LSAMP: variants seen among roughly 807,000 people sequenced by gnomAD.
The protein encoded by LSAMP is limbic system associated membrane protein.
In LSAMP, 7 loss-of-function variants were observed where a neutral mutation model predicts 38.6. The ratio of observed to expected loss-of-function variants is 0.18; its 90% CI spans 0.10 to 0.34. LSAMP has a LOEUF of 0.34. Ranked by LOEUF, LSAMP falls within the 10% of genes least tolerant of loss-of-function variation. LSAMP has a pLI of 1.00. For missense variants in LSAMP, 313 were observed against 420.0 expected, an observed-to-expected ratio of 0.75 and a Z score of 2.23; for synonymous variants, 154 against 166.8, an observed-to-expected ratio of 0.92 and a Z score of 0.59.
chr3:116,407,477 C>T (rs1401700634), intron 1 of LSAMP, among the ~76,000 whole-genome samples: 2 of 151,998 alleles, frequency 1.3e-5, no homozygotes, highest in Admixed American at 1.3e-4. Context: ...CCCCTATACC[C>T]ACCAGTAAGG....
chr3:116,248,371 A>G (rs1274474222), intron 1 of LSAMP, among the ~76,000 whole-genome samples: 1 of 152,128 alleles, frequency 6.6e-6, no homozygotes, highest in African/African-American at 2.4e-5. Context: ...ACACAGGTGC[A>G]CACACCTGTA....
At chr3:116,038,212 G>A (rs148845404) in intron 2 of LSAMP, among the ~76,000 whole-genome samples, 17 of 152,260 alleles carry the variant, frequency 1.1e-4, no homozygotes, top group African/African-American at 4.1e-4. Flanking sequence ...TGAAGGATGG[G>A]AAAATTAACT....
intron 3 of LSAMP, among the ~76,000 whole-genome samples, chr3:115,950,277 A>T (rs894187819): frequency 6.6e-6 from 1 of 152,176 alleles, no homozygotes; most frequent in Non-Finnish European, 1.5e-5. Context: ...CCAAATTGGT[A>T]AAGAGGAAGT....
intron 1 of LSAMP, among the ~76,000 whole-genome samples, chr3:116,173,831 CCTT>C (rs1428264963): frequency 6.7e-6 from 1 of 149,150 alleles, no homozygotes; most frequent in Non-Finnish European, 1.5e-5. Context: ...GTTTCTCTTG[CCTT>C]CTTCCTCTTC....
intron 6 of LSAMP, among the ~76,000 whole-genome samples, chr3:115,817,492 T>G (rs971917989): frequency 6.6e-6 from 1 of 152,086 alleles, no homozygotes; most frequent in Admixed American, 6.6e-5. Context: ...TCGGAAGAGC[T>G]CAGGTAGGTT....
chr3:116,165,669 T>C (rs1710033113), intron 1 of LSAMP, among the ~76,000 whole-genome samples: 1 of 152,202 alleles, frequency 6.6e-6, no homozygotes, highest in African/African-American at 2.4e-5. Context: ...AGATTGTGTT[T>C]AATTATGAGA....
chr3:116,022,401 C>T (rs1940664687), intron 2 of LSAMP, among the ~76,000 whole-genome samples: 1 of 152,104 alleles, frequency 6.6e-6, no homozygotes, highest in Non-Finnish European at 1.5e-5. Context: ...CCATCCACAC[C>T]TCAACCTTCA....
chr3:116,349,217 G>T (rs527530178), intron 1 of LSAMP, among the ~76,000 whole-genome samples: 4 of 151,978 alleles, frequency 2.6e-5, no homozygotes, highest in Non-Finnish European at 4.4e-5. Flanking sequence ...AGCACACAAG[G>T]ATAATACTGA....
intron 3 of LSAMP, among the ~76,000 whole-genome samples, chr3:115,900,897 G>A (rs1936857323): frequency 1.3e-5 from 2 of 152,124 alleles, no homozygotes; most frequent in Admixed American, 1.3e-4. Flanking sequence ...AATGTCTAAA[G>A]CAGCACAAAC....
intron 3 of LSAMP, among the ~76,000 whole-genome samples, chr3:116,005,260 G>A (rs942133572): frequency 6.6e-6 from 1 of 152,046 alleles, no homozygotes; most frequent in African/African-American, 2.4e-5. Context: ...TACCACCTCA[G>A]GCAACTGAGA....
At position 116,443,213 on chromosome 3, in the gene LSAMP, T is replaced by G. The variant is rs1285246477; in HGVS notation, c.155+1664A>C. The stretch of plus-strand genomic sequence containing the variant: ...TAGCAATTGAAATGGCATGCTTGTG[T>G]GTTTGCAAAAACATTTTCTGCACCA... On this transcript the variant is annotated intron_variant, in intron 1 of 6. Transcript: ENST00000490035. Among the ~76,000 whole-genome samples the G allele has an allele frequency of 2.0e-5, 3 of 152,358 alleles. No homozygotes were observed. In the East Asian group the frequency reaches 5.8e-4, roughly 29 times the overall value.
intron 1 of LSAMP, among the ~76,000 whole-genome samples, chr3:116,281,153 TAGAAC>T (rs1221931828): frequency 2.0e-5 from 3 of 152,100 alleles, no homozygotes; most frequent in Non-Finnish European, 4.4e-5. Flanking sequence ...TACAGAAAAT[TAGAAC>T]AGAAGATATT....
At chr3:116,089,650 C>A (rs953833094) in intron 1 of LSAMP, among the ~76,000 whole-genome samples, 4 of 152,130 alleles carry the variant, frequency 2.6e-5, no homozygotes, top group Non-Finnish European at 5.9e-5. Context: ...AGCCACCGTG[C>A]CCGGCCTAGA....
intron 1 of LSAMP, among the ~76,000 whole-genome samples, chr3:116,273,128 T>A (rs1437164821): frequency 6.6e-6 from 1 of 152,116 alleles, no homozygotes; most frequent in Non-Finnish European, 1.5e-5. Context: ...ACCTTATCTG[T>A]ATATCAAATG....
chr3:115,928,174 C>T (rs1452949078), intron 3 of LSAMP, among the ~76,000 whole-genome samples: 5 of 152,248 alleles, frequency 3.3e-5, no homozygotes, highest in Middle Eastern at 3.4e-3. Context: ...CATTAAATAA[C>T]ACTAATTCAA....
chr3:115,973,677 T>C (rs748932165), intron 3 of LSAMP, among the ~76,000 whole-genome samples: 25 of 151,986 alleles, frequency 1.6e-4, no homozygotes, highest in Non-Finnish European at 3.2e-4. Flanking sequence ...GAGGTTGCAG[T>C]GAGCCGAGAT....
chr3:115,842,373 G>A, intron 5 of LSAMP, 85 bp downstream of exon 5: 1 of 1,502,536 alleles, frequency 6.7e-7, no homozygotes, highest in Non-Finnish European at 9.0e-7. Context: ...ATTACAACTG[G>A]CTTGGCTTTG....
intron 1 of LSAMP, among the ~76,000 whole-genome samples, chr3:116,434,837 C>T (rs1290624797): frequency 2.0e-5 from 3 of 152,282 alleles, no homozygotes; most frequent in East Asian, 3.9e-4. Context: ...GCGTGAGCCA[C>T]TGCGCTCGGC....
At chr3:116,044,610 T>C (rs1470187611) in intron 2 of LSAMP, among the ~76,000 whole-genome samples, 2 of 142,832 alleles carry the variant, frequency 1.4e-5, no homozygotes, top group Non-Finnish European at 3.0e-5. Context: ...AAAGTAGAAA[T>C]ATAATTGTAT....
Sources: allele counts gnomAD v4.1 joint callset (sites outside exome capture counted in the v4.1 genomes callset), GRCh38; gene constraint gnomAD v4.1.1; transcripts MANE v1.5; gene names NCBI Gene and HGNC (gene_info 2026-07-23, HGNC 2026-07-21).